Variants in HYLS1 observed in about 807,000 individuals in gnomAD.
HYLS1 encodes the protein centriolar and ciliogenesis-associated protein HYLS1.
HYLS1 carries 25 observed loss-of-function variants against 29.4 expected under a neutral mutation model. That is an observed-to-expected ratio of 0.85 (90% CI 0.62 to 1.19). The LOEUF is 1.19. HYLS1 is among the 50% of genes most tolerant of loss of function. The pLI is 0.00. For missense variants in HYLS1, 352 were observed against 365.1 expected (o/e 0.96, Z 0.29); for synonymous variants, 128 against 126.7 (o/e 1.01, Z -0.07).
chr11:125,894,747 TA>T (rs1565452538), intron 2 of HYLS1, among the ~76,000 whole-genome samples: 1 of 152,190 alleles, frequency 6.6e-6, no homozygotes, highest in Non-Finnish European at 1.5e-5. Flanking sequence ...CTCAGTGATA[TA>T]AAACAAGCAA....
At chr11:125,896,566 T>C (rs528517034) in intron 2 of HYLS1, among the ~76,000 whole-genome samples, 1 of 152,344 alleles carries the variant, frequency 6.6e-6, no homozygotes, top group East Asian at 1.9e-4. Flanking sequence ...TAAGGTTTCA[T>C]TAAAGCAGTC....
chr11:125,897,974 C>T (rs1284716252), intron 2 of HYLS1, among the ~76,000 whole-genome samples: 1 of 152,290 alleles, frequency 6.6e-6, no homozygotes, highest in East Asian at 1.9e-4. Context: ...ATTTATGATA[C>T]ATTCATACAT....
chr11:125,893,689 T>A, intron 2 of HYLS1: 9 of 896,820 alleles, frequency 1.0e-5, no homozygotes, highest in Non-Finnish European at 1.4e-5. Context: ...GAGCTGATCA[T>A]CTGAATTCCT....
rs191392414 is a variant in HYLS1 at position 125,898,599 on chromosome 11, C to T, written c.-25-745C>T. On this transcript the variant is annotated intron_variant, in intron 2 of 2. Coordinates refer to ENST00000425380, the MANE Select transcript of HYLS1 (RefSeq NM_001134793.2). ...GTCTTAGACAGGATAATCGCTTGAA[C>T]CCAGGAGGTGGAGGTTGCAATGAGC... Among the ~76,000 whole-genome samples, 4 of 152,160 alleles carry T rather than the reference C, an allele frequency of 2.6e-5. No individual in the cohort carries two copies. The East Asian group carries it at 7.7e-4, about 29-fold the overall frequency.
upstream of HYLS1, among the ~76,000 whole-genome samples, chr11:125,885,948 A>G (rs1175688798): frequency 6.6e-6 from 1 of 152,196 alleles, no homozygotes; most frequent in African/African-American, 2.4e-5. Flanking sequence ...GGGACCATCT[A>G]GTTGCAGAAA....
upstream of HYLS1, among the ~76,000 whole-genome samples, chr11:125,885,351 T>C (rs1416074469): frequency 1.3e-5 from 2 of 152,046 alleles, no homozygotes; most frequent in Admixed American, 6.5e-5. Flanking sequence ...CTCAGGAGAC[T>C]GAGGCATGAA....
At chr11:125,894,062 T>A in intron 2 of HYLS1, 1 of 1,614,166 alleles carries the variant, frequency 6.2e-7, no homozygotes, top group Non-Finnish European at 8.5e-7. Context: ...GGGCTTAACA[T>A]TTCCCCATTC....
chr11:125,896,926 TG>T (rs1178498601), intron 2 of HYLS1, among the ~76,000 whole-genome samples: 1 of 152,182 alleles, frequency 6.6e-6, no homozygotes. Context: ...TAAGCAATTT[TG>T]ATGGGAGAAA....
At chr11:125,885,655 A>G (rs1274878165), upstream of HYLS1, among the ~76,000 whole-genome samples, 1 of 152,240 alleles carries the variant, frequency 6.6e-6, no homozygotes, top group African/African-American at 2.4e-5. Context: ...AAAAGAATAT[A>G]TGCACTAAAA....
At chr11:125,884,372 G>A (rs994595147), upstream of HYLS1, among the ~76,000 whole-genome samples, 1 of 152,104 alleles carries the variant, frequency 6.6e-6, no homozygotes, top group African/African-American at 2.4e-5. Flanking sequence ...CACTTTGGGA[G>A]GCCGAGGTGG....
chr11:125,896,142 G>A (rs780995458), intron 2 of HYLS1: 2 of 1,614,050 alleles, frequency 1.2e-6, no homozygotes, highest in African/African-American at 1.3e-5. Context: ...AGTTTTTCCA[G>A]CTCCTGCTGA....
In HYLS1 at chr11:125,900,522, A is replaced by T. The variant is rs953714673; in HGVS notation, c.*254A>T. ...CAGACCTGGTCTTTCTATTTTGTCA[A>T]ATTAGTAAGGGCCCTTTGTGTCCTG... On this transcript the variant is annotated 3_prime_UTR_variant, in exon 3 of 3. Coordinates refer to ENST00000425380, the MANE Select transcript of HYLS1 (RefSeq NM_001134793.2). 7 of 488,000 alleles carry T rather than the reference A, an allele frequency of 1.4e-5. No homozygotes were observed. The highest frequency in any genetic ancestry group is 4.2e-5 in the East Asian group (1 of 23,944). The allele number at this position is 488,000 out of a possible 1,614,324, so 30.2% of individuals were successfully genotyped here. A position where few individuals can be genotyped will look rare whatever the true frequency, so the allele number is the denominator to read the frequency against.
In HYLS1 at chr11:125,887,773, G is replaced by C. The variant is rs1328877306; in HGVS notation, c.-76+8G>C. Reference sequence around the variant, plus strand: ...CGGACTTCCGCGACGCGGGTAAGCCGGGCGAAGGCCGGAAGCGGAGGGACG... The same window carrying C: ...CGGACTTCCGCGACGCGGGTAAGCCCGGCGAAGGCCGGAAGCGGAGGGACG... On this transcript the variant is annotated splice_region_variant and intron_variant, in intron 1 of 2. Transcript: ENST00000425380. The C allele has an allele frequency of 6.6e-6, 1 of 152,398 alleles. No homozygotes were observed. The highest frequency in any genetic ancestry group is 2.4e-5 in the African/African-American group (1 of 41,478). 9.4% of individuals were successfully genotyped at this position (152,398 alleles called of 1,614,324 possible). A position where few individuals can be genotyped will look rare whatever the true frequency, so the allele number is the denominator to read the frequency against.
upstream of HYLS1, among the ~76,000 whole-genome samples, chr11:125,885,814 G>A (rs1016607626): frequency 6.6e-6 from 1 of 152,194 alleles, no homozygotes; most frequent in African/African-American, 2.4e-5. Context: ...ATGAACAGGG[G>A]TGTTAGAGTC....
intron 2 of HYLS1, chr11:125,893,899 C>T (rs767368883): frequency 1.2e-6 from 2 of 1,614,128 alleles, no homozygotes; most frequent in Non-Finnish European, 1.7e-6. Flanking sequence ...TTGTTTCTTC[C>T]TCATGGAATA....
intron 1 of HYLS1, 52 bp from the exon 2 acceptor site, chr11:125,891,371 A>G (rs1165245001): frequency 6.7e-6 from 1 of 150,264 alleles, no homozygotes; most frequent in Non-Finnish European, 1.5e-5. Context: ...ATTTTGTTCC[A>G]TGTATCACTG....
intron 2 of HYLS1, among the ~76,000 whole-genome samples, chr11:125,896,524 G>T (rs933968992): frequency 1.3e-5 from 2 of 152,202 alleles, no homozygotes; most frequent in African/African-American, 2.4e-5. Context: ...TTCACAGAGG[G>T]AAAGAACTGT....
chr11:125,896,696 C>A (rs1944602017), intron 2 of HYLS1, among the ~76,000 whole-genome samples: 2 of 152,128 alleles, frequency 1.3e-5, no homozygotes, highest in African/African-American at 4.8e-5. Flanking sequence ...TGTATTTGTT[C>A]AATTTGCTAG....
Position 125,895,964 on chromosome 11 carries a change from C to CT in HYLS1, c.-25-3379dup, listed in dbSNP as rs781342434. 57 of 1,614,140 alleles carry CT rather than the reference C, an allele frequency of 3.5e-5. No homozygotes were observed. In the South Asian group the frequency reaches 5.9e-4, roughly 17 times the overall value. ...TCCCACATCGGTGATAGTTGGATGT[C>CT]TGTCTGCTTTCTACTAGTCGAGTCT... On this transcript the variant is annotated intron_variant, in intron 2 of 2. Coordinates refer to ENST00000425380, the MANE Select transcript of HYLS1 (RefSeq NM_001134793.2).
Sources: allele counts gnomAD v4.1 joint callset (sites outside exome capture counted in the v4.1 genomes callset), GRCh38; gene constraint gnomAD v4.1.1; transcripts MANE v1.5; gene names NCBI Gene and HGNC (gene_info 2026-07-23, HGNC 2026-07-21).